STK33: variants seen among roughly 807,000 people sequenced by gnomAD.
STK33 encodes the protein serine/threonine kinase 33.
In STK33, 52 loss-of-function variants were observed where a neutral mutation model predicts 58.0. That is an observed-to-expected ratio of 0.90 (90% CI 0.72 to 1.13). STK33 has a LOEUF of 1.13. Ranked by LOEUF, STK33 falls within the 50% of genes most tolerant of loss-of-function variation. The pLI, the probability that STK33 is intolerant of heterozygous loss-of-function variation, is 0.00. For synonymous variants in STK33, 215 were observed against 200.1 expected (o/e 1.07, Z -0.63); for missense variants, 630 against 604.2 (o/e 1.04, Z -0.45).
At chr11:8,522,737 G>A (rs1168729147) in intron 1 of STK33, among the ~76,000 whole-genome samples, 2 of 152,010 alleles carry the variant, frequency 1.3e-5, no homozygotes, top group Non-Finnish European at 2.9e-5. Flanking sequence ...TCTATAAAAC[G>A]GGAAAAAGCC....
chr11:8,405,438 T>C (rs1043872008), intron 15 of STK33, among the ~76,000 whole-genome samples: 2 of 152,248 alleles, frequency 1.3e-5, no homozygotes, highest in African/African-American at 4.8e-5. Context: ...GATTGCCTTA[T>C]TGCAATGTAG....
intron 7 of STK33, among the ~76,000 whole-genome samples, chr11:8,463,175 A>C (rs1335207135): frequency 6.6e-6 from 1 of 152,200 alleles, no homozygotes; most frequent in Non-Finnish European, 1.5e-5. Flanking sequence ...CTAGAGCAGC[A>C]GTCCCCGACC....
At chr11:8,527,038 C>G (rs1954100731) in intron 1 of STK33, among the ~76,000 whole-genome samples, 1 of 147,442 alleles carries the variant, frequency 6.8e-6, no homozygotes, top group Non-Finnish European at 1.5e-5. Context: ...ATGACATAAT[C>G]TCGGCTCACT....
chr11:8,389,583 G>A (rs12577458), downstream of STK33, among the ~76,000 whole-genome samples: 16,178 of 152,210 alleles, frequency 0.11, 987 homozygotes, highest in African/African-American at 0.14. Context: ...AGCTCTGCTT[G>A]CTGCTGGGAA....
chr11:8,383,645 C>A, the STK33 span, among the ~76,000 whole-genome samples: 24 of 152,214 alleles, frequency 1.6e-4, no homozygotes, highest in African/African-American at 5.5e-4. Flanking sequence ...TGTCACTATT[C>A]AGATTCAATT....
Position 8,481,320 on chromosome 11 carries a change from T to A in STK33, c.-465-706A>T, listed in dbSNP as rs187632693. On this transcript the variant is annotated intron_variant, in intron 1 of 15. Coordinates refer to ENST00000687296, the MANE Select transcript of STK33 (RefSeq NM_001352389.2). ...CTTCAAGTTTTAGCAGAAATAATATTAATTTAATAAAACAGAAACAACAAC... is the reference window on the plus strand; with the variant it reads ...CTTCAAGTTTTAGCAGAAATAATATAAATTTAATAAAACAGAAACAACAAC... Among the ~76,000 whole-genome samples, 24 of 152,296 alleles carry A rather than the reference T, an allele frequency of 1.6e-4. No homozygotes were observed. In the East Asian group the frequency reaches 4.4e-3, roughly 28 times the overall value.
intron 1 of STK33, among the ~76,000 whole-genome samples, chr11:8,526,425 C>A (rs905297898): frequency 2.0e-5 from 3 of 151,928 alleles, no homozygotes; most frequent in African/African-American, 7.3e-5. Context: ...GGTACAACTG[C>A]TTTGGAAGAC....
At chr11:8,400,421 G>C (rs948558973) in intron 15 of STK33, among the ~76,000 whole-genome samples, 1 of 152,036 alleles carries the variant, frequency 6.6e-6, no homozygotes, top group Non-Finnish European at 1.5e-5. Flanking sequence ...ATTCAACAAT[G>C]CTTCATGCTA....
chr11:8,382,159 G>A, the STK33 span, among the ~76,000 whole-genome samples: 3 of 152,216 alleles, frequency 2.0e-5, no homozygotes, highest in Non-Finnish European at 4.4e-5. Context: ...ACATCCTGCA[G>A]CGAGGAACAT....
intron 12 of STK33, 106 bp from the exon 13 acceptor site, chr11:8,436,245 G>A: frequency 5.2e-6 from 3 of 572,036 alleles, no homozygotes; most frequent in East Asian, 3.1e-5. Context: ...TCATATTTAA[G>A]GAAAGGATGG....
chr11:8,562,330 C>T (rs1957167220), intron 1 of STK33, among the ~76,000 whole-genome samples: 1 of 152,092 alleles, frequency 6.6e-6, no homozygotes. Flanking sequence ...GTCCTCTTGT[C>T]TCTCTCTCCT....
Position 8,545,242 on chromosome 11 carries a change from T to C in STK33, c.-466+48841A>G, listed in dbSNP as rs141586198. ...CATTACCTAGACATGCTTTCAAATCTATTTCTTTCTACTGGGAATCAACAA... is the reference window on the plus strand; with the variant it reads ...CATTACCTAGACATGCTTTCAAATCCATTTCTTTCTACTGGGAATCAACAA... On this transcript the variant is annotated intron_variant, in intron 1 of 15. Transcript: ENST00000687296. Among the ~76,000 whole-genome samples, 39 of 152,322 alleles carry C rather than the reference T, an allele frequency of 2.6e-4. No individual in the cohort carries two copies. In the East Asian group the frequency reaches 6.6e-3, roughly 26 times the overall value.
Position 8,405,302 on chromosome 11 carries a change from G to A in STK33, c.1344+8193C>T, listed in dbSNP as rs529554013. On this transcript the variant is annotated intron_variant, in intron 15 of 15. Transcript: ENST00000687296. ...TAGAAAGTATGTAGTGATATCCTGT[G>A]GTGGACTTAATTTCCATTTTCCTGA... Among the ~76,000 whole-genome samples the A allele has an allele frequency of 7.2e-5, 11 of 152,228 alleles. No individual in the cohort carries two copies. In the South Asian group the frequency reaches 1.9e-3, roughly 26 times the overall value.
intron 1 of STK33, among the ~76,000 whole-genome samples, chr11:8,529,746 T>C (rs897679622): frequency 6.6e-6 from 1 of 152,154 alleles, no homozygotes; most frequent in African/African-American, 2.4e-5. Context: ...AAGCCATGGA[T>C]CGCAGGTGGC....
rs1028355346 is a variant in STK33, at chr11:8,456,738, A to G, written c.697+603T>C. On this transcript the variant is annotated intron_variant, in intron 9 of 15. Coordinates refer to ENST00000687296, the MANE Select transcript of STK33 (RefSeq NM_001352389.2). ...AATAATTTTTAAATGTAGTTTTTAA[A>G]GTACTGTGAAACCACTCTGTATGAT... Among the ~76,000 whole-genome samples the G allele has an allele frequency of 2.0e-5, 3 of 152,262 alleles. No individual in the cohort carries two copies. In the East Asian group the frequency reaches 5.8e-4, roughly 29 times the overall value.
At chr11:8,452,476 AC>A (rs890568547) in intron 11 of STK33, among the ~76,000 whole-genome samples, 1 of 152,148 alleles carries the variant, frequency 6.6e-6, no homozygotes, top group African/African-American at 2.4e-5. Flanking sequence ...TGGTTGTTCT[AC>A]TTTTTTACAC....
chr11:8,528,048 T>C (rs752450487), intron 1 of STK33, among the ~76,000 whole-genome samples: 20 of 152,160 alleles, frequency 1.3e-4, no homozygotes, highest in Non-Finnish European at 1.8e-4. Context: ...ATAATATGCA[T>C]TGGGTAGTGT....
At chr11:8,381,202 C>A in the STK33 span, among the ~76,000 whole-genome samples, 7 of 152,144 alleles carry the variant, frequency 4.6e-5, no homozygotes, top group African/African-American at 1.7e-4. Flanking sequence ...TCTCAGATTT[C>A]ATCACTGTAC....
the STK33 span, among the ~76,000 whole-genome samples, chr11:8,340,162 A>G: frequency 7.2e-6 from 1 of 139,842 alleles, no homozygotes; most frequent in African/African-American, 2.4e-5. Context: ...AGCAAACACA[A>G]TTTATAAACT....
Sources: allele counts gnomAD v4.1 joint callset (sites outside exome capture counted in the v4.1 genomes callset), GRCh38; gene constraint gnomAD v4.1.1; transcripts MANE v1.5; gene names NCBI Gene and HGNC (gene_info 2026-07-23, HGNC 2026-07-21).